Variants in TRIL observed in about 807,000 individuals in gnomAD.
TRIL encodes TLR4 interactor with leucine rich repeats.
In TRIL, 23 loss-of-function variants were observed where a neutral mutation model predicts 43.0. That is an observed-to-expected ratio of 0.54 (90% CI 0.39 to 0.76). The LOEUF (loss-of-function observed/expected upper bound fraction) is 0.76, where lower values mean the gene tolerates loss of function less well. TRIL is among the 30% of genes least tolerant of loss of function. The probability of loss-of-function intolerance (pLI) is 0.00; values close to 1 mark genes in which losing one functional copy is unlikely to be tolerated. For synonymous variants in TRIL, 602 were observed against 556.8 expected, an observed-to-expected ratio of 1.08 and a Z score of -1.14; for missense variants, 1,114 against 1,139.3, an observed-to-expected ratio of 0.98 and a Z score of 0.32.
chr7:28,956,442 A>G lies in TRIL; in HGVS notation c.1605T>C (p.Ser535=). The change falls in exon 1 of 1, where the codon TCT becomes TCC. Residue 535 remains serine (S), a synonymous_variant. Transcript: ENST00000539664. ...PALAEPTPTA[S]PGSAPSPAGD... ...CGGCGGGCGATGGCGCAGAGCCAGGAGAGGCCGTTGGGGTGGGCTCCGCGA... is the reference window on the plus strand; with the variant it reads ...CGGCGGGCGATGGCGCAGAGCCAGGGGAGGCCGTTGGGGTGGGCTCCGCGA... 1 of 1,543,576 alleles carries G rather than the reference A, an allele frequency of 6.5e-7. No homozygotes were observed.
In TRIL at chr7:28,956,861, G is replaced by A. The variant is rs764030763; in HGVS notation, c.1186C>T (p.Leu396=). ...VFVQCRHPPA[L]RGKYLDYLDD... is the part of the protein sequence containing the mutation. ...AGGTAATCCAGGTATTTGCCTCGCA[G>A]GGCCGGGGGGTGGCGACACTGCACG... The change falls in exon 1 of 1, where the codon CTG becomes TTG. Residue 396 remains leucine, a synonymous_variant. Coordinates refer to ENST00000539664, the MANE Select transcript of TRIL (RefSeq NM_014817.4). 1 of 1,607,640 alleles carries A rather than the reference G, an allele frequency of 6.2e-7. No homozygotes were observed. The highest frequency in any genetic ancestry group is 2.2e-5 in the East Asian group (1 of 44,670).
chr7:28,956,182 AG>A lies in TRIL; in HGVS notation c.1864del (p.Leu622CysfsTer77). On this transcript the variant is annotated frameshift_variant, in exon 1 of 1. Transcript: ENST00000539664. LOFTEE classifies it high-confidence loss of function. ...PRPLGGARFR[L>X]LFDRFGQQPK... ...CTGCTGGCCAAAGCGGTCAAAGAGCAGGCGGAAGCGCGCGCCGCCCAGCGGC... is the reference window on the plus strand; with the variant it reads ...CTGCTGGCCAAAGCGGTCAAAGAGCAGCGGAAGCGCGCGCCGCCCAGCGGC... The A allele has an allele frequency of 6.4e-7, 1 of 1,573,252 alleles. No homozygotes were observed. Among genetic ancestry groups the A allele is most frequent in the Non-Finnish European group, 8.6e-7 (1 of 1,160,762 alleles).
In TRIL at chr7:28,956,700, C is replaced by T. The variant is rs376948170; in HGVS notation, c.1347G>A (p.Glu449=). The part of the protein sequence containing the change: ...EMTPPAGLAE[E]LPPQPQLQQQ... ...GCTGGAGCTGCGGCTGCGGCGGCAG[C>T]TCCTCCGCGAGACCTGCAGGTGGCG... is the stretch of plus-strand genomic sequence containing the variant. Residue 449 remains glutamate (E), a synonymous_variant, in exon 1 of 1, where the codon GAG becomes GAA. Transcript: ENST00000539664. The T allele has an allele frequency of 2.0e-5, 32 of 1,588,472 alleles. No individual in the cohort carries two copies. Among genetic ancestry groups the T allele is most frequent in the Non-Finnish European group, 2.6e-5 (31 of 1,170,708 alleles).
rs1783412905 is a variant in TRIL, at chr7:28,956,858, G to T, written c.1189C>A (p.Arg397=). The change falls in exon 1 of 1, where the codon CGA becomes AGA. Residue 397 remains arginine, a synonymous_variant. Coordinates refer to ENST00000539664, the MANE Select transcript of TRIL (RefSeq NM_014817.4). ...FVQCRHPPAL[R]GKYLDYLDDQ... ...TCCAGGTAATCCAGGTATTTGCCTC[G>T]CAGGGCCGGGGGGTGGCGACACTGC... The T allele has an allele frequency of 1.2e-6, 2 of 1,606,954 alleles. No homozygotes were observed. Among genetic ancestry groups the T allele is most frequent in the Non-Finnish European group, 1.7e-6 (2 of 1,175,710 alleles).
Position 28,956,638 on chromosome 7 carries a change from C to T in TRIL, c.1409G>A (p.Gly470Glu), listed in dbSNP as rs774423313. ...GRFLAGVAWD[G>E]AARELVGNRS... is the part of the protein sequence containing the mutation. ...GTTGCCTACCAGCTCCCTGGCGGCCCCATCCCAGGCCACCCCAGCTAGAAA... is the reference window on the plus strand; with the variant it reads ...GTTGCCTACCAGCTCCCTGGCGGCCTCATCCCAGGCCACCCCAGCTAGAAA... The change falls in exon 1 of 1, where the codon GGG (glycine) becomes GAG (glutamate). Residue 470 changes from glycine to glutamate, a missense_variant. By Grantham distance (98) the Gly-to-Glu change is moderately conservative. Transcript: ENST00000539664. 5 of 1,564,682 alleles carry T rather than the reference C, an allele frequency of 3.2e-6. No individual in the cohort carries two copies. The East Asian group carries it at 1.1e-4, about 35-fold the overall frequency.
Position 28,956,069 on chromosome 7 carries a change from A to G in TRIL, c.1978T>C (p.Cys660Arg). Residue 660 changes from cysteine (C) to arginine (R), a missense_variant, in exon 1 of 1, where the codon TGC becomes CGC. Cys to Arg is a radical substitution (Grantham distance 180). Coordinates refer to ENST00000539664, the MANE Select transcript of TRIL (RefSeq NM_014817.4). ...ELRGDTPYLV[C>R]VEGVLGGRVC... ...CGGCCCCCAAGCACGCCCTCCACGC[A>G]CACCAGGTAGGGGGTGTCCCCGCGC... 1 of 1,552,642 alleles carries G rather than the reference A, an allele frequency of 6.4e-7. No individual in the cohort carries two copies.
chr7:28,957,505 A>G lies in TRIL; in HGVS notation c.542T>C (p.Leu181Pro). The G allele has an allele frequency of 6.2e-7, 1 of 1,613,188 alleles. No individual in the cohort carries two copies. Among genetic ancestry groups the G allele is most frequent in the Non-Finnish European group, 8.5e-7 (1 of 1,179,818 alleles). ...GTTGGACTCCAGATGTAGGTAGAGC[A>G]GGTTGCCCAAGGGAGCGAAGACCGC... Reference protein sequence around the residue: ...PDAVFAPLGNLLYLHLESNRI... With the variant: ...PDAVFAPLGNPLYLHLESNRI... The change falls in exon 1 of 1, where the codon CTG (leucine) becomes CCG (proline). Residue 181 changes from leucine (L) to proline (P), a missense_variant. Transcript: ENST00000539664.
Position 28,956,760 on chromosome 7 carries a change from C to T in TRIL, c.1287G>A (p.Arg429=), listed in dbSNP as rs1188008712. The change falls in exon 1 of 1, where the codon CGG becomes CGA. Residue 429 remains arginine, a synonymous_variant. Transcript: ENST00000539664. ...PSASLTADRR[R]QPLPTAAGEE... ...CCCCTGCGGCCGTGGGTAGGGGCTG[C>T]CGCCTGCGGTCAGCGGTCAGGGAAG... 3.7e-6 allele frequency: 6 copies of T among 1,607,852 alleles called. No homozygotes were observed. In the East Asian group the frequency reaches 1.3e-4, roughly 36 times the overall value.
chr7:28,956,061 C>A lies in TRIL; in HGVS notation c.1986G>T (p.Glu662Asp), dbSNP rs1387986976. 1 of 1,551,444 alleles carries A rather than the reference C, an allele frequency of 6.4e-7. No individual in the cohort carries two copies. Among genetic ancestry groups the A allele is most frequent in the East Asian group, 2.4e-5 (1 of 41,394 alleles). The change falls in exon 1 of 1, where the codon GAG becomes GAT. Residue 662 changes from glutamate to aspartate, a missense_variant. Transcript: ENST00000539664. Reference protein sequence around the residue: ...RGDTPYLVCVEGVLGGRVCPV... With the variant: ...RGDTPYLVCVDGVLGGRVCPV... Reference sequence around the variant, plus strand: ...GGCAGACACGGCCCCCAAGCACGCCCTCCACGCACACCAGGTAGGGGGTGT... The same window carrying A: ...GGCAGACACGGCCCCCAAGCACGCCATCCACGCACACCAGGTAGGGGGTGT...
Position 28,957,231 on chromosome 7 carries a change from G to C in TRIL, c.816C>G (p.Ala272=), listed in dbSNP as rs371401803. 105 of 1,606,342 alleles carry C rather than the reference G, an allele frequency of 6.5e-5. No individual in the cohort carries two copies. The African/African-American group carries it at 1.1e-3, about 17-fold the overall frequency. The change falls in exon 1 of 1, where the codon GCC becomes GCG. Residue 272 remains alanine (A), a synonymous_variant. Transcript: ENST00000539664. ...CGCGCAGGGCCTCCAAGCCCCAAAA[G>C]GCCTCAGGCGCGAGGTGCGTGAGCT... ...GNQLTHLAPE[A]FWGLEALREL...
Position 28,957,867 on chromosome 7 carries a change from G to C in TRIL, c.180C>G (p.Asp60Glu). 6.2e-7 allele frequency: 1 copy of C among 1,613,762 alleles called. No homozygotes were observed. The highest frequency in any genetic ancestry group is 8.5e-7 in the Non-Finnish European group (1 of 1,179,840). ...TGCCGCCGAGGCTGTAGGTGAGCAC[G>C]TCGTGGGGGCTCGGCAGCGAGCTGG... ...PKTSSLPSPH[D>E]VLTYSLGGNF... is the part of the protein sequence containing the mutation. Residue 60 changes from aspartate (D) to glutamate (E), a missense_variant, in exon 1 of 1, where the codon GAC becomes GAG. Asp to Glu is a conservative substitution (Grantham distance 45). Coordinates refer to ENST00000539664, the MANE Select transcript of TRIL (RefSeq NM_014817.4).
Position 28,956,229 on chromosome 7 carries a change from C to T in TRIL, c.1818G>A (p.Val606=). 1.3e-6 allele frequency: 2 copies of T among 1,552,750 alleles called. No homozygotes were observed. Among genetic ancestry groups the T allele is most frequent in the Non-Finnish European group, 1.7e-6 (2 of 1,151,132 alleles). Residue 606 remains valine (V), a synonymous_variant, in exon 1 of 1, where the codon GTG becomes GTA. Transcript: ENST00000539664. Reference sequence around the variant, plus strand: ...GCGGCCGGGGACTGCGGTGCTCGCGCACGGCCCAGCGCACCGAGGCGCTGT... The same window carrying T: ...GCGGCCGGGGACTGCGGTGCTCGCGTACGGCCCAGCGCACCGAGGCGCTGT... ...GADSASVRWA[V]REHRSPRPLG...
rs760125452 is a variant in TRIL, at chr7:28,956,474, G to T, written c.1573C>A (p.Pro525Thr). Residue 525 changes from proline (P) to threonine (T), a missense_variant, in exon 1 of 1, where the codon CCC (proline) becomes ACC (threonine). Transcript: ENST00000539664. ...GTTGGGGTGGGCTCCGCGAGGGCGG[G>T]ATCTGCCCGAGTCGGACGGCCCCGC... ...PQRGRPTRAD[P>T]ALAEPTPTAS... The T allele has an allele frequency of 1.1e-5, 17 of 1,556,574 alleles. No homozygotes were observed. In the East Asian group the frequency reaches 4.0e-4, roughly 37 times the overall value.
Position 28,957,663 on chromosome 7 carries a change from G to C in TRIL, c.384C>G (p.Ala128=), listed in dbSNP as rs1271098442. ...LLQALAPGTL[A]PLRKLRILYA... ...AGAGGATGCGCAGCTTGCGCAGCGG[G>C]GCCAGCGTGCCCGGGGCGAGCGCCT... Residue 128 remains alanine, a synonymous_variant, in exon 1 of 1, where the codon GCC becomes GCG. Coordinates refer to ENST00000539664, the MANE Select transcript of TRIL (RefSeq NM_014817.4). 2 of 1,609,634 alleles carry C rather than the reference G, an allele frequency of 1.2e-6. No homozygotes were observed. The highest frequency in any genetic ancestry group is 2.7e-5 in the African/African-American group (2 of 75,002).
In TRIL at chr7:28,955,609, A is replaced by T; in HGVS notation, c.*2T>A. ...ATGAGATGGTCTCTATATGCCCTGG[A>T]CCTAGTCGGCAAATCGCTGCAGGAG... On this transcript the variant is annotated 3_prime_UTR_variant, in exon 1 of 1. Transcript: ENST00000539664. 2.6e-6 allele frequency: 4 copies of T among 1,534,220 alleles called. No homozygotes were observed. The highest frequency in any genetic ancestry group is 3.5e-6 in the Non-Finnish European group (4 of 1,142,300).
chr7:28,957,774 C>T lies in TRIL; in HGVS notation c.273G>A (p.Gln91=), dbSNP rs1395005876. Residue 91 remains glutamine, a synonymous_variant, in exon 1 of 1, where the codon CAG becomes CAA. Transcript: ENST00000539664. ...GGTGCAGAGAGCGGATCTGGTTGTA[C>T]TGCAGGTCCAGCCGTCTGAGCTGCC... ...RLGQLRRLDL[Q]YNQIRSLHPK... is the part of the protein sequence containing the mutation. 7.4e-6 allele frequency: 12 copies of T among 1,613,880 alleles called. No individual in the cohort carries two copies. The highest frequency in any genetic ancestry group is 1.0e-5 in the Non-Finnish European group (12 of 1,179,878).
Position 28,953,387 on chromosome 7 carries a change from A to C in TRIL, c.*2224T>G, listed in dbSNP as rs948753305. ...CTCTATTAGTGGGTTTATTGACATA[A>C]CTGGACATAACAATGTATAACATTT... On this transcript the variant is annotated 3_prime_UTR_variant, in exon 1 of 1. Transcript: ENST00000539664. The C allele has an allele frequency of 1.1e-4, 17 of 152,678 alleles. No homozygotes were observed. The highest frequency in any genetic ancestry group is 4.1e-4 in the African/African-American group (17 of 41,458). The allele number at this position is 152,678 out of a possible 1,614,324, so 9.5% of individuals were successfully genotyped here.
chr7:28,956,941 C>A lies in TRIL; in HGVS notation c.1106G>T (p.Gly369Val), dbSNP rs3735562. ...CCAGTCGCCCATCCAGCGCTTCAGG[C>A]CTCGCAGCCGGCAGTCGCAGGTCCA... ...NGWTCDCRLR[G>V]LKRWMGDWHS... is the part of the protein sequence containing the mutation. The change falls in exon 1 of 1, where the codon GGC becomes GTC. Residue 369 changes from glycine (G) to valine (V), a missense_variant. By Grantham distance (109) the Gly-to-Val change is moderately radical (BLOSUM62 -3). Transcript: ENST00000539664. The A allele has an allele frequency of 6.3e-7, 1 of 1,597,956 alleles. No homozygotes were observed. Among genetic ancestry groups the A allele is most frequent in the Non-Finnish European group, 8.5e-7 (1 of 1,173,582 alleles).
rs189326309 is a variant in TRIL, at chr7:28,956,627, C to T, written c.1420G>A (p.Glu474Lys). 6.4e-7 allele frequency: 1 copy of T among 1,564,482 alleles called. No individual in the cohort carries two copies. The highest frequency in any genetic ancestry group is 8.6e-7 in the Non-Finnish European group (1 of 1,158,856). ...AGVAWDGAAR[E>K]LVGNRSALRL... The stretch of plus-strand genomic sequence containing the variant: ...AGGGCGCTGCGGTTGCCTACCAGCT[C>T]CCTGGCGGCCCCATCCCAGGCCACC... The change falls in exon 1 of 1, where the codon GAG (glutamate) becomes AAG (lysine). Residue 474 changes from glutamate (E) to lysine (K), a missense_variant. Transcript: ENST00000539664.
Sources: allele counts gnomAD v4.1 joint callset, GRCh38; gene constraint gnomAD v4.1.1; transcripts MANE v1.5; gene names NCBI Gene and HGNC (gene_info 2026-07-23, HGNC 2026-07-21).